The following FAM216B variants were observed in gnomAD, a reference collection of about 807,000 sequenced individuals.
The protein encoded by FAM216B is protein FAM216B.
A neutral mutation model predicts 12.9 loss-of-function variants in FAM216B; 11 were observed. That is an observed-to-expected ratio of 0.86 (90% confidence interval 0.54 to 1.42). The LOEUF (loss-of-function observed/expected upper bound fraction) is 1.42. FAM216B is among the 40% of genes most tolerant of loss of function. The pLI, the probability that FAM216B is intolerant of heterozygous loss-of-function variation, is 0.00. For missense variants in FAM216B, 167 were observed against 162.9 expected (o/e 1.02, Z -0.14); for synonymous variants, 52 against 57.2 (o/e 0.91, Z 0.41).
intron 3 of FAM216B, 120 bp from the exon 4 acceptor site, chr13:42,788,471 G>A: frequency 1.4e-6 from 1 of 706,588 alleles, no homozygotes; most frequent in Non-Finnish European, 2.3e-6. Context: ...TATAATCTGG[G>A]CATGCTTACC....
intron 2 of FAM216B, among the ~76,000 whole-genome samples, chr13:42,785,070 C>A (rs1285540360): frequency 6.6e-6 from 1 of 152,054 alleles, no homozygotes; most frequent in Non-Finnish European, 1.5e-5. Flanking sequence ...ACTTTGGAGT[C>A]CTGCTCTTGA....
chr13:42,786,636 T>TAAAA (rs57301416), intron 2 of FAM216B, 127 bp from the exon 3 acceptor site: 11,205 of 1,058,316 alleles, frequency 0.011, 17 homozygotes, highest in East Asian at 0.015. Context: ...TGTTGCACAT[T>TAAAA]AAAAAAAAAA....
chr13:42,786,636 T>TAAC, intron 2 of FAM216B, 127 bp from the exon 3 acceptor site: 1 of 1,059,586 alleles, frequency 9.4e-7, no homozygotes, highest in Non-Finnish European at 1.3e-6. Context: ...TGTTGCACAT[T>TAAC]AAAAAAAAAA....
In FAM216B at chr13:42,791,188, C is replaced by T. The variant is rs1365608011; in HGVS notation, c.*2398C>T. The T allele has an allele frequency of 6.6e-6, 1 of 152,148 alleles. No homozygotes were observed. Among genetic ancestry groups the T allele is most frequent in the Admixed American group, 6.5e-5 (1 of 15,268 alleles). The allele number at this position is 152,148 out of a possible 1,614,324, so 9.4% of individuals were successfully genotyped here. A position where few individuals can be genotyped will look rare whatever the true frequency, so the allele number is the denominator to read the frequency against. The stretch of plus-strand genomic sequence containing the variant: ...ATATTTTATTGAACTAGGTTCTAAA[C>T]AATTTCTGAGGTTACTGTTGAGTTT... On this transcript the variant is annotated 3_prime_UTR_variant, in exon 4 of 4. Transcript: ENST00000313851.
Position 42,786,768 on chromosome 13 carries a change from C to A in FAM216B, c.105C>A (p.Leu35=). Residue 35 remains leucine (L), a synonymous_variant, in exon 3 of 4, where the codon CTC becomes CTA. Coordinates refer to ENST00000313851, the MANE Select transcript of FAM216B (RefSeq NM_001318932.2). ...SIYDTSLLKA[L]NQGQQRYFYS... ...CACCTGTTCTGTTCCAACAGGCCCT[C>A]AACCAAGGGCAACAGCGCTACTTTT... The A allele has an allele frequency of 6.2e-7, 1 of 1,613,988 alleles. No individual in the cohort carries two copies. The highest frequency in any genetic ancestry group is 1.1e-5 in the South Asian group (1 of 91,048).
Position 42,788,684 on chromosome 13 carries a change from T to C in FAM216B, c.314T>C (p.Ile105Thr), listed in dbSNP as rs1483165090. 3.1e-6 allele frequency: 5 copies of C among 1,613,794 alleles called. No homozygotes were observed. In the East Asian group the frequency reaches 1.1e-4, roughly 36 times the overall value. The change falls in exon 4 of 4, where the codon ATT becomes ACT. Residue 105 changes from isoleucine to threonine, a missense_variant. Coordinates refer to ENST00000313851, the MANE Select transcript of FAM216B (RefSeq NM_001318932.2). ...GCCAAGGTAGCTCCTCAAAGAACCA[T>C]TCCCCGGAAAACTTCAGCCATGACA... The part of the protein sequence containing the change: ...ASAKVAPQRT[I>T]PRKTSAMTRR...
chr13:42,791,512 T>G lies in FAM216B; in HGVS notation c.*2722T>G, dbSNP rs1251091443. On this transcript the variant is annotated 3_prime_UTR_variant, in exon 4 of 4. Transcript: ENST00000313851. ...TTAGAGTTTTTTAAAACAATTTTTA[T>G]GTATAATTTATATGCAATAAATGCC... 1 of 152,226 alleles carries G rather than the reference T, an allele frequency of 6.6e-6. No homozygotes were observed. Among genetic ancestry groups the G allele is most frequent in the Non-Finnish European group, 1.5e-5 (1 of 68,044 alleles). The allele number at this position is 152,226 out of a possible 1,614,324, so 9.4% of individuals were successfully genotyped here.
chr13:42,784,187 T>TTTTTC (rs1566064009), intron 2 of FAM216B, 21 bp downstream of exon 2: 1 of 1,533,976 alleles, frequency 6.5e-7, no homozygotes, highest in African/African-American at 1.4e-5. Context: ...TTTTTTTTTT[T>TTTTTC]TTTTTTCACA....
At chr13:42,785,682 T>C (rs1250372431) in intron 2 of FAM216B, among the ~76,000 whole-genome samples, 1 of 152,212 alleles carries the variant, frequency 6.6e-6, no homozygotes, top group Admixed American at 6.5e-5. Context: ...ATCCTGACAC[T>C]TCTTGTTTCT....
chr13:42,786,789 CT>C lies in FAM216B; in HGVS notation c.130del (p.Tyr44ThrfsTer4). ...KALNQGQQRY[F>X]YSIMRIYNSR... ...CCCTCAACCAAGGGCAACAGCGCTACTTTTACAGCATTATGAGGATTTACAA... is the reference window on the plus strand; with the variant it reads ...CCCTCAACCAAGGGCAACAGCGCTACTTTACAGCATTATGAGGATTTACAA... On this transcript the variant is annotated frameshift_variant, in exon 3 of 4. Coordinates refer to ENST00000313851, the MANE Select transcript of FAM216B (RefSeq NM_001318932.2). LOFTEE classifies it high-confidence loss of function. 1 of 1,614,026 alleles carries C rather than the reference CT, an allele frequency of 6.2e-7. No homozygotes were observed. The highest frequency in any genetic ancestry group is 8.5e-7 in the Non-Finnish European group (1 of 1,179,954).
chr13:42,788,220 A>G (rs1170596842), intron 3 of FAM216B, among the ~76,000 whole-genome samples: 1 of 152,218 alleles, frequency 6.6e-6, no homozygotes, highest in Non-Finnish European at 1.5e-5. Context: ...AAGGATTTTG[A>G]AAAAGCATGT....
chr13:42,789,001 T>A lies in FAM216B; in HGVS notation c.*211T>A, dbSNP rs1874206661. 6 of 432,130 alleles carry A rather than the reference T, an allele frequency of 1.4e-5. No individual in the cohort carries two copies. The South Asian group carries it at 2.7e-4, about 20-fold the overall frequency. 26.8% of individuals were successfully genotyped at this position (432,130 alleles called of 1,614,324 possible). On this transcript the variant is annotated 3_prime_UTR_variant, in exon 4 of 4. Coordinates refer to ENST00000313851, the MANE Select transcript of FAM216B (RefSeq NM_001318932.2). The stretch of plus-strand genomic sequence containing the variant: ...AGTAAGCAAGCCTTTCCACATAACA[T>A]CCGTAGAGTAAAAGGACTTTTAAAG...
chr13:42,784,219 C>A, intron 2 of FAM216B, 53 bp downstream of exon 2: 3 of 1,246,480 alleles, frequency 2.4e-6, no homozygotes, highest in South Asian at 1.5e-5. Flanking sequence ...CTGTCTGTCT[C>A]TCCTTCAAGG....
intron 1 of FAM216B, among the ~76,000 whole-genome samples, chr13:42,783,118 A>G (rs1873923124): frequency 6.6e-6 from 1 of 152,002 alleles, no homozygotes; most frequent in Non-Finnish European, 1.5e-5. Context: ...AGACCAGCCC[A>G]GGGAACATAG....
intron 3 of FAM216B, among the ~76,000 whole-genome samples, chr13:42,788,388 G>A (rs1455588874): frequency 1.3e-5 from 2 of 152,020 alleles, no homozygotes; most frequent in Admixed American, 6.6e-5. Flanking sequence ...GTTAATCAAC[G>A]ACCAAGTGTT....
At position 42,789,471 on chromosome 13, in the gene FAM216B, A is replaced by G. The variant is rs1227294500; in HGVS notation, c.*681A>G. The G allele has an allele frequency of 6.6e-6, 1 of 152,258 alleles. No homozygotes were observed. The highest frequency in any genetic ancestry group is 2.4e-5 in the African/African-American group (1 of 41,466). The allele number at this position is 152,258 out of a possible 1,614,324, so 9.4% of individuals were successfully genotyped here. A position where few individuals can be genotyped will look rare whatever the true frequency, so the allele number is the denominator to read the frequency against. On this transcript the variant is annotated 3_prime_UTR_variant, in exon 4 of 4. Transcript: ENST00000313851. ...GCAGCTGAAGAAACACTCTTAAAAG[A>G]ATATGAAATAACCCCGAAGACTTTA...
chr13:42,785,016 T>A (rs976569935), intron 2 of FAM216B, among the ~76,000 whole-genome samples: 1 of 152,148 alleles, frequency 6.6e-6, no homozygotes, highest in African/African-American at 2.4e-5. Context: ...TAAAATAAAA[T>A]CATCACTTTT....
chr13:42,784,185 T>TTC lies in FAM216B; in HGVS notation c.99+20_99+21insCT. 6.5e-7 allele frequency: 1 copy of TTC among 1,536,826 alleles called. No homozygotes were observed. The highest frequency in any genetic ancestry group is 8.7e-7 in the Non-Finnish European group (1 of 1,145,150). On this transcript the variant is annotated intron_variant, in intron 2 of 3. Coordinates refer to ENST00000313851, the MANE Select transcript of FAM216B (RefSeq NM_001318932.2). ...ACTAAAGGTATGGCTTTTTTTTTTT[T>TTC]TTTTTTTTCACAGATAGAGTGACCT...
chr13:42,784,172 G>GGTTT lies in FAM216B; in HGVS notation c.99+6_99+7insGTTT. The GGTTT allele has an allele frequency of 1.5e-5, 12 of 808,952 alleles. No homozygotes were observed. The highest frequency in any genetic ancestry group is 4.5e-5 in the African/African-American group (1 of 22,314). 50.1% of individuals were successfully genotyped at this position (808,952 alleles called of 1,614,324 possible). On this transcript the variant is annotated splice_region_variant and intron_variant, in intron 2 of 3. Coordinates refer to ENST00000313851, the MANE Select transcript of FAM216B (RefSeq NM_001318932.2). ...ATGACACTTCCTTACTAAAGGTATGGCTTTTTTTTTTTTTTTTTTTTCACA... is the reference window on the plus strand; with the variant it reads ...ATGACACTTCCTTACTAAAGGTATGGGTTTCTTTTTTTTTTTTTTTTTTTTCACA...
Sources: allele counts gnomAD v4.1 joint callset (sites outside exome capture counted in the v4.1 genomes callset), GRCh38; gene constraint gnomAD v4.1.1; transcripts MANE v1.5; gene names NCBI Gene and HGNC (gene_info 2026-07-23, HGNC 2026-07-21).